The following PRR14L variants were observed in gnomAD, a reference collection of about 807,000 sequenced individuals.
The protein encoded by PRR14L is proline rich 14 like, also known as protein PRR14L.
In PRR14L, 80 loss-of-function variants were observed where a neutral mutation model predicts 155.0. The ratio of observed to expected loss-of-function variants is 0.52; its 90% confidence interval spans 0.43 to 0.62. The LOEUF is 0.62. PRR14L is among the 20% of genes least tolerant of loss of function. The probability of loss-of-function intolerance (pLI) is 0.00; values close to 1 mark genes in which losing one functional copy is unlikely to be tolerated. For synonymous variants in PRR14L, 883 were observed against 916.0 expected (o/e 0.96, Z 0.65); for missense variants, 2,469 against 2,548.0 (o/e 0.97, Z 0.67).
In PRR14L at chr22:31,714,677, G is replaced by A. The variant is rs761154191; in HGVS notation, c.3162C>T (p.Asp1054=). The A allele has an allele frequency of 3.2e-6, 5 of 1,552,210 alleles. No individual in the cohort carries two copies. The South Asian group carries it at 5.9e-5, about 18-fold the overall frequency. ...TATTACTACAGTCCGTGTAGACGAT[G>A]TCTACCATACCTTCTGTGGACTCAT... The part of the protein sequence containing the change: ...GCDESTEGMV[D]IVYTDCSNKL... Residue 1054 remains aspartate (D), a synonymous_variant, in exon 4 of 9, where the codon GAC becomes GAT. Coordinates refer to ENST00000327423, the MANE Select transcript of PRR14L (RefSeq NM_173566.3).
At position 31,712,215 on chromosome 22, in the gene PRR14L, C is replaced by T. The variant is rs747161173; in HGVS notation, c.5624G>A (p.Cys1875Tyr). 6.2e-7 allele frequency: 1 copy of T among 1,614,156 alleles called. No individual in the cohort carries two copies. Residue 1875 changes from cysteine to tyrosine, a missense_variant, in exon 4 of 9, where the codon TGT becomes TAT. By Grantham distance (194) the Cys-to-Tyr change is radical (BLOSUM62 -2). This residue lies in a region of PRR14L where 2,363 missense variants were observed against 2,371.6 expected (regional missense o/e 1.00). Coordinates refer to ENST00000327423, the MANE Select transcript of PRR14L (RefSeq NM_173566.3). ...TCTGCCCACCGAGTAGGGCAGAGAA[C>T]AGAAGACCTTGTCTGCTATGGAGGC... ...SPASIADKVF[C>Y]SLPYSVGRVL...
chr22:31,736,268 C>G (rs1033215624), intron 2 of PRR14L, among the ~76,000 whole-genome samples: 1 of 151,150 alleles, frequency 6.6e-6, no homozygotes, highest in African/African-American at 2.4e-5. Flanking sequence ...TGCCTGTAAT[C>G]CCAGCTACTC....
At chr22:31,730,139 A>G (rs1266848933) in intron 2 of PRR14L, among the ~76,000 whole-genome samples, 1 of 132,944 alleles carries the variant, frequency 7.5e-6, no homozygotes, top group Non-Finnish European at 1.6e-5. Context: ...GACTCAGTCT[A>G]AAAAAAAAAA....
intron 2 of PRR14L, among the ~76,000 whole-genome samples, chr22:31,731,385 A>G (rs945880378): frequency 5.3e-5 from 8 of 151,950 alleles, no homozygotes; most frequent in Non-Finnish European, 1.0e-4. Context: ...TAACACGGTG[A>G]AACCCCGTCT....
At chr22:31,743,109 T>A (rs1238599061) in intron 1 of PRR14L, among the ~76,000 whole-genome samples, 1 of 152,070 alleles carries the variant, frequency 6.6e-6, no homozygotes, top group Non-Finnish European at 1.5e-5. Context: ...GAGACCATCC[T>A]GGGTAACACG....
At chr22:31,690,083 A>C (rs1170766861) in intron 7 of PRR14L, among the ~76,000 whole-genome samples, 2 of 152,078 alleles carry the variant, frequency 1.3e-5, no homozygotes, top group African/African-American at 4.8e-5. Context: ...CACCCAGCTA[A>C]TTTTTGTATT....
chr22:31,727,376 G>A (rs1291240226), intron 2 of PRR14L, among the ~76,000 whole-genome samples: 2 of 151,806 alleles, frequency 1.3e-5, no homozygotes, highest in East Asian at 3.9e-4. Context: ...TGGGACTACA[G>A]GTGCACGCCG....
Position 31,715,507 on chromosome 22 carries a change from G to A in PRR14L, c.2332C>T (p.His778Tyr). 6.4e-7 allele frequency: 1 copy of A among 1,552,176 alleles called. No individual in the cohort carries two copies. Among genetic ancestry groups the A allele is most frequent in the Non-Finnish European group, 8.7e-7 (1 of 1,147,042 alleles). The stretch of plus-strand genomic sequence containing the variant: ...GAGATATCCTGAGATTGAACGCTGT[G>A]ACATTCTATGACAGAGACCACTTGA... ...FPQVVSVIECHSVQSQDISSC... is the reference protein window; with the variant it reads ...FPQVVSVIECYSVQSQDISSC... The change falls in exon 4 of 9, where the codon CAC (histidine) becomes TAC (tyrosine). Residue 778 changes from histidine to tyrosine, a missense_variant. Around this residue, in one of 2 missense-constraint regions of PRR14L, gnomAD observed 2,363 missense variants for 2,371.6 expected, o/e 1.00. Transcript: ENST00000327423.
At chr22:31,729,073 G>C (rs1569500139) in intron 2 of PRR14L, among the ~76,000 whole-genome samples, 1 of 152,196 alleles carries the variant, frequency 6.6e-6, no homozygotes, top group African/African-American at 2.4e-5. Flanking sequence ...TCCTACAAGA[G>C]TGGAGTTCAG....
At chr22:31,686,482 A>T (rs1037323799) in intron 8 of PRR14L, among the ~76,000 whole-genome samples, 2 of 151,822 alleles carry the variant, frequency 1.3e-5, no homozygotes, top group Non-Finnish European at 2.9e-5. Context: ...GTGCAGTGGC[A>T]CAATCACAAT....
At chr22:31,743,675 G>A (rs1423133563) in intron 1 of PRR14L, among the ~76,000 whole-genome samples, 1 of 151,640 alleles carries the variant, frequency 6.6e-6, no homozygotes, top group Non-Finnish European at 1.5e-5. Flanking sequence ...GTTGGCGAAC[G>A]CCTGTAATCC....
At position 31,714,915 on chromosome 22, in the gene PRR14L, T is replaced by C. The variant is rs1362129861; in HGVS notation, c.2924A>G (p.Asn975Ser). Residue 975 changes from asparagine to serine, a missense_variant, in exon 4 of 9, where the codon AAC (asparagine) becomes AGC (serine). This residue lies in a region of PRR14L where 2,363 missense variants were observed against 2,371.6 expected (regional missense o/e 1.00). Transcript: ENST00000327423. ...TTTGCATTCATCTGGTCTGTTTTGG[T>C]TACTCTGACAGTCAAGGACTTCATC... ...KADEVLDCQS[N>S]QNRPDECKSE... is the part of the protein sequence containing the mutation. 1 of 1,552,024 alleles carries C rather than the reference T, an allele frequency of 6.4e-7. No homozygotes were observed. Among genetic ancestry groups the C allele is most frequent in the Non-Finnish European group, 8.7e-7 (1 of 1,147,056 alleles).
chr22:31,699,040 G>A (rs2074549871), intron 7 of PRR14L, among the ~76,000 whole-genome samples: 1 of 151,934 alleles, frequency 6.6e-6, no homozygotes, highest in South Asian at 2.1e-4. Flanking sequence ...TATAAATTTA[G>A]AACTGAGAAA....
At position 31,713,469 on chromosome 22, in the gene PRR14L, A is replaced by G. The variant is rs2074635659; in HGVS notation, c.4370T>C (p.Ile1457Thr). ...ITLAKLAKDS[I>T]VAQTQKLEDQ... ...TTCTAACTTCTGAGTCTGTGCCACA[A>G]TGCTGTCCTTGGCCAGCTTTGCTAG... is the stretch of plus-strand genomic sequence containing the variant. The change falls in exon 4 of 9, where the codon ATT becomes ACT. Residue 1457 changes from isoleucine (I) to threonine (T), a missense_variant. By Grantham distance (89) the Ile-to-Thr change is moderately conservative (BLOSUM62 -1). This residue lies in a region of PRR14L where 2,363 missense variants were observed against 2,371.6 expected (regional missense o/e 1.00). Transcript: ENST00000327423. 2 of 1,552,002 alleles carry G rather than the reference A, an allele frequency of 1.3e-6. No homozygotes were observed. The highest frequency in any genetic ancestry group is 2.4e-5 in the East Asian group (1 of 40,922).
chr22:31,748,418 A>G (rs1311852742), intron 1 of PRR14L, among the ~76,000 whole-genome samples: 4 of 142,584 alleles, frequency 2.8e-5, no homozygotes, highest in East Asian at 2.1e-4. Flanking sequence ...ACATCCAGAA[A>G]AAGGATCCCT....
chr22:31,713,695 T>C lies in PRR14L; in HGVS notation c.4144A>G (p.Ile1382Val). The change falls in exon 4 of 9, where the codon ATA becomes GTA. Residue 1382 changes from isoleucine (I) to valine (V), a missense_variant. Ile to Val is a conservative substitution (Grantham distance 29). This residue lies in a region of PRR14L where 2,363 missense variants were observed against 2,371.6 expected (regional missense o/e 1.00). Transcript: ENST00000327423. ...TGCTGTTTTTCAGCATGATTAAGTA[T>C]CCCCCGGCATTTAAAATGGGTCTGA... is the stretch of plus-strand genomic sequence containing the variant. Reference protein sequence around the residue: ...ISQTHFKCRGILNHAEKQQSP... With the variant: ...ISQTHFKCRGVLNHAEKQQSP... The C allele has an allele frequency of 6.4e-7, 1 of 1,552,206 alleles. No individual in the cohort carries two copies.
In PRR14L at chr22:31,725,593, C is replaced by G; in HGVS notation, c.492G>C (p.Gln164His). ...TSPSQEDLLM[Q>H]SSKELSHVDL... ...CCACATGTGAAAGTTCTTTGCTGGA[C>G]TGCATCAGGAGATCCTCCTACAGTA... Residue 164 changes from glutamine to histidine, a missense_variant, in exon 3 of 9, where the codon CAG (glutamine) becomes CAC (histidine). This residue lies in a region of PRR14L where 2,363 missense variants were observed against 2,371.6 expected (regional missense o/e 1.00). Coordinates refer to ENST00000327423, the MANE Select transcript of PRR14L (RefSeq NM_173566.3). The G allele has an allele frequency of 2.6e-6, 4 of 1,550,616 alleles. No homozygotes were observed. The highest frequency in any genetic ancestry group is 3.5e-6 in the Non-Finnish European group (4 of 1,146,024).
chr22:31,683,825 T>A lies in PRR14L; in HGVS notation c.*1702A>T, dbSNP rs1471298510. 1.3e-5 allele frequency: 2 copies of A among 152,034 alleles called. No individual in the cohort carries two copies. The highest frequency in any genetic ancestry group is 4.9e-5 in the African/African-American group (2 of 41,230). The allele number at this position is 152,034 out of a possible 1,614,324, so 9.4% of individuals were successfully genotyped here. A position where few individuals can be genotyped will look rare whatever the true frequency, so the allele number is the denominator to read the frequency against. ...CCCCCACCCCCAACCCATCTCCCCATCCACTAGCAAATGGGGAAGCAAAAG... is the reference window on the plus strand; with the variant it reads ...CCCCCACCCCCAACCCATCTCCCCAACCACTAGCAAATGGGGAAGCAAAAG... On this transcript the variant is annotated 3_prime_UTR_variant, in exon 9 of 9. Coordinates refer to ENST00000327423, the MANE Select transcript of PRR14L (RefSeq NM_173566.3).
At position 31,713,071 on chromosome 22, in the gene PRR14L, T is replaced by C. The variant is rs1321296221; in HGVS notation, c.4768A>G (p.Ile1590Val). 11 of 1,552,272 alleles carry C rather than the reference T, an allele frequency of 7.1e-6. No individual in the cohort carries two copies. The highest frequency in any genetic ancestry group is 1.2e-5 in the South Asian group (1 of 84,064). ...TAPTKSLVSH[I>V]PKQMSTPCHP... Reference sequence around the variant, plus strand: ...CACGGTGTAGACATCTGCTTTGGTATGTGACTAACCAAGCTCTTGGTAGGT... The same window carrying C: ...CACGGTGTAGACATCTGCTTTGGTACGTGACTAACCAAGCTCTTGGTAGGT... The change falls in exon 4 of 9, where the codon ATA (isoleucine) becomes GTA (valine). Residue 1590 changes from isoleucine to valine, a missense_variant. This residue lies in a region of PRR14L where 2,363 missense variants were observed against 2,371.6 expected (regional missense o/e 1.00). Transcript: ENST00000327423.
Sources: allele counts gnomAD v4.1 joint callset (sites outside exome capture counted in the v4.1 genomes callset), GRCh38; gene constraint gnomAD v4.1.1; regional missense constraint gnomAD v4.1.1; transcripts MANE v1.5; gene names NCBI Gene and HGNC (gene_info 2026-07-23, HGNC 2026-07-21).